Variants in DIPK2A observed in about 807,000 individuals in gnomAD.
The protein encoded by DIPK2A is divergent protein kinase domain 2A.
A neutral mutation model predicts 39.0 loss-of-function variants in DIPK2A; 27 were observed. The observed-to-expected ratio is 0.69, with a 90% CI of 0.51 to 0.96. DIPK2A has a LOEUF of 0.96. Among genes scored for constraint, DIPK2A ranks in the 40% least tolerant of loss-of-function variants. The pLI, the probability that DIPK2A is intolerant of heterozygous loss-of-function variation, is 0.00. For synonymous variants in DIPK2A, 298 were observed against 240.8 expected, an observed-to-expected ratio of 1.24 and a Z score of -2.20; for missense variants, 528 against 571.3, an observed-to-expected ratio of 0.92 and a Z score of 0.77.
At chr3:143,983,002 TA>T (rs534850268) in intron 1 of DIPK2A, among the ~76,000 whole-genome samples, 139 of 152,054 alleles carry the variant, frequency 9.1e-4, no homozygotes, top group Non-Finnish European at 1.3e-3. Flanking sequence ...TACATAATGG[TA>T]AACGGATCAA....
chr3:143,985,990 AAACAAATACAGATACTCTTT>A lies in DIPK2A; in HGVS notation c.961+145_961+164del, dbSNP rs2087894179. On this transcript the variant is annotated intron_variant, in intron 2 of 2. Coordinates refer to ENST00000315691, the MANE Select transcript of DIPK2A (RefSeq NM_173552.5). Reference sequence around the variant, plus strand: ...TTTGCTTTATATGACCACTGTCAATAAACAAATACAGATACTCTTTGACTTACTGGGGGTTACATCTTGAT... The same window carrying A: ...TTTGCTTTATATGACCACTGTCAATAGACTTACTGGGGGTTACATCTTGAT... The A allele has an allele frequency of 1.6e-5, 10 of 628,258 alleles. No individual in the cohort carries two copies. In the South Asian group the frequency reaches 1.9e-4, roughly 12 times the overall value. The allele number at this position is 628,258 out of a possible 1,614,324, so 38.9% of individuals were successfully genotyped here.
chr3:143,972,368 G>A lies in DIPK2A; in HGVS notation c.36G>A (p.Leu12=). 5 of 1,409,760 alleles carry A rather than the reference G, an allele frequency of 3.5e-6. No individual in the cohort carries two copies. Among genetic ancestry groups the A allele is most frequent in the Non-Finnish European group, 3.7e-6 (4 of 1,082,300 alleles). 87.3% of individuals were successfully genotyped at this position (1,409,760 alleles called of 1,614,324 possible). Residue 12 remains leucine (L), a synonymous_variant, in exon 1 of 3, where the codon CTG becomes CTA. Coordinates refer to ENST00000315691, the MANE Select transcript of DIPK2A (RefSeq NM_173552.5). Reference sequence around the variant, plus strand: ...TGGTGCCCCCGAAGCTGGGCCGCCTGTCCCGCTCGCTGAAGCTGGCGGCGC... The same window carrying A: ...TGGTGCCCCCGAAGCTGGGCCGCCTATCCCGCTCGCTGAAGCTGGCGGCGC... The part of the protein sequence containing the change: ...WRLVPPKLGR[L]SRSLKLAALG...
intron 2 of DIPK2A, chr3:143,986,136 C>A (rs970503795): frequency 1.3e-5 from 4 of 302,994 alleles, no homozygotes; most frequent in Admixed American, 9.3e-5. Flanking sequence ...AGAACACTTA[C>A]ATTAGTCTAA....
At chr3:143,986,052 G>T (rs571485905) in intron 2 of DIPK2A, 6 of 549,528 alleles carry the variant, frequency 1.1e-5, no homozygotes, top group African/African-American at 1.9e-5. Flanking sequence ...GGTGTCAGTT[G>T]AAAATATTGT....
chr3:143,983,996 C>G (rs951231380), intron 1 of DIPK2A, among the ~76,000 whole-genome samples: 1 of 152,210 alleles, frequency 6.6e-6, no homozygotes, highest in Non-Finnish European at 1.5e-5. Context: ...TCAGCACTTG[C>G]TGCTTCTCCT....
chr3:143,979,557 A>G (rs983660126), intron 1 of DIPK2A, among the ~76,000 whole-genome samples: 1 of 152,150 alleles, frequency 6.6e-6, no homozygotes, highest in African/African-American at 2.4e-5. Context: ...AAGATCTGAC[A>G]GTAATTATGT....
chr3:143,973,207 A>C (rs2107837543), intron 1 of DIPK2A: 2 of 1,028,492 alleles, frequency 1.9e-6, no homozygotes, highest in Middle Eastern at 2.0e-4. Flanking sequence ...TGTTACCTAG[A>C]TTCGGGCGCA....
intron 2 of DIPK2A, among the ~76,000 whole-genome samples, chr3:143,987,642 T>C (rs969371188): frequency 6.6e-6 from 1 of 152,238 alleles, no homozygotes; most frequent in African/African-American, 2.4e-5. Context: ...AGATTCTTCT[T>C]TGAGAACTTG....
At chr3:143,980,797 T>C (rs564547624) in intron 1 of DIPK2A, among the ~76,000 whole-genome samples, 25 of 152,298 alleles carry the variant, frequency 1.6e-4, no homozygotes, top group South Asian at 4.1e-4. Flanking sequence ...TCTGTACTTA[T>C]TTTCTCTCTT....
Position 143,972,169 on chromosome 3 carries a change from C to T in DIPK2A, c.-164C>T, listed in dbSNP as rs1346126359. The T allele has an allele frequency of 3.7e-6, 2 of 534,092 alleles. No homozygotes were observed. Among genetic ancestry groups the T allele is most frequent in the Admixed American group, 4.3e-5 (1 of 23,410 alleles). The allele number at this position is 534,092 out of a possible 1,614,324, so 33.1% of individuals were successfully genotyped here. ...CAGCCCGCTCAGGCCCGCGCCTTCCCGCTCCCCGTCTTCCTCTCTCACACA... is the reference window on the plus strand; with the variant it reads ...CAGCCCGCTCAGGCCCGCGCCTTCCTGCTCCCCGTCTTCCTCTCTCACACA... On this transcript the variant is annotated 5_prime_UTR_variant, in exon 1 of 3. Coordinates refer to ENST00000315691, the MANE Select transcript of DIPK2A (RefSeq NM_173552.5).
chr3:143,973,345 G>C (rs748940729), intron 1 of DIPK2A: 5 of 1,542,804 alleles, frequency 3.2e-6, no homozygotes, highest in Non-Finnish European at 4.4e-6. Context: ...GCCGGGGCTT[G>C]CAGGTCCGCG....
chr3:143,974,651 T>C (rs1273321064), intron 1 of DIPK2A, among the ~76,000 whole-genome samples: 1 of 152,212 alleles, frequency 6.6e-6, no homozygotes, highest in Non-Finnish European at 1.5e-5. Flanking sequence ...AGGAGCTGTC[T>C]TAGTAATATA....
chr3:143,973,752 A>G (rs535730458), intron 1 of DIPK2A: 9 of 602,124 alleles, frequency 1.5e-5, no homozygotes, highest in Admixed American at 3.0e-5. Context: ...GGCGAGTATC[A>G]GGGAAGGAGA....
At chr3:143,986,507 G>C (rs1360956159) in intron 2 of DIPK2A, among the ~76,000 whole-genome samples, 5 of 152,028 alleles carry the variant, frequency 3.3e-5, no homozygotes, top group Admixed American at 6.5e-5. Context: ...GGCGGATCAC[G>C]AGGTCAGGAG....
chr3:143,976,350 A>G (rs1179545420), intron 1 of DIPK2A, among the ~76,000 whole-genome samples: 1 of 151,808 alleles, frequency 6.6e-6, no homozygotes, highest in African/African-American at 2.4e-5. Context: ...TGCCAGGTAT[A>G]CTGTAATCCT....
Position 143,990,296 on chromosome 3 carries a change from C to T in DIPK2A, c.*455C>T, listed in dbSNP as rs2087963212. 6.6e-6 allele frequency: 1 copy of T among 151,754 alleles called. No individual in the cohort carries two copies. The highest frequency in any genetic ancestry group is 1.5e-5 in the Non-Finnish European group (1 of 68,092). The allele number at this position is 151,754 out of a possible 1,614,324, so 9.4% of individuals were successfully genotyped here. ...TCCTTCTGATGTGTAGGGTTTTTTC[C>T]CCCTTTTTTTTTTTAATTAAATTTT... On this transcript the variant is annotated 3_prime_UTR_variant, in exon 3 of 3. Coordinates refer to ENST00000315691, the MANE Select transcript of DIPK2A (RefSeq NM_173552.5).
chr3:143,977,132 ATTT>A (rs2107840277), intron 1 of DIPK2A, among the ~76,000 whole-genome samples: 1 of 152,176 alleles, frequency 6.6e-6, no homozygotes, highest in African/African-American at 2.4e-5. Context: ...GGAACAACAT[ATTT>A]TTTAAGTTCA....
chr3:143,979,107 T>C (rs2087791871), intron 1 of DIPK2A, among the ~76,000 whole-genome samples: 1 of 152,218 alleles, frequency 6.6e-6, no homozygotes. Context: ...TTTAGTACAT[T>C]ATGCTGATGT....
At chr3:143,984,138 G>T (rs534675672) in intron 1 of DIPK2A, among the ~76,000 whole-genome samples, 1 of 152,288 alleles carries the variant, frequency 6.6e-6, no homozygotes, top group South Asian at 2.1e-4. Flanking sequence ...TCTGGATTGG[G>T]TATTGGCTTA....
Sources: allele counts gnomAD v4.1 joint callset (sites outside exome capture counted in the v4.1 genomes callset), GRCh38; gene constraint gnomAD v4.1.1; transcripts MANE v1.5; gene names NCBI Gene and HGNC (gene_info 2026-07-23, HGNC 2026-07-21).